TMC3: variants seen among roughly 807,000 people sequenced by gnomAD.
TMC3 encodes the protein transmembrane channel-like protein 3.
A neutral mutation model predicts 110.6 loss-of-function variants in TMC3; 98 were observed. The ratio of observed to expected loss-of-function variants is 0.89; its 90% CI spans 0.75 to 1.05. TMC3 has a LOEUF of 1.05. Ranked by LOEUF, TMC3 falls within the 50% of genes least tolerant of loss-of-function variation. The pLI is 0.00. For synonymous variants in TMC3, 489 were observed against 513.1 expected, an observed-to-expected ratio of 0.95 and a Z score of 0.63; for missense variants, 1,319 against 1,373.2, an observed-to-expected ratio of 0.96 and a Z score of 0.62.
chr15:81,356,155 A>T (rs1471630351), intron 8 of TMC3, among the ~76,000 whole-genome samples: 1 of 152,254 alleles, frequency 6.6e-6, no homozygotes, highest in Non-Finnish European at 1.5e-5. Context: ...GGTTATATAC[A>T]TGCATCATGG....
intron 21 of TMC3, among the ~76,000 whole-genome samples, chr15:81,333,773 A>G (rs933234545): frequency 6.6e-6 from 1 of 152,146 alleles, no homozygotes; most frequent in African/African-American, 2.4e-5. Flanking sequence ...TGGATCACTT[A>G]AGGTCAGGAG....
chr15:81,333,991 C>CA lies in TMC3; in HGVS notation c.2459+728dup, dbSNP rs949681769. Among the ~76,000 whole-genome samples, 714 of 130,830 alleles carry CA rather than the reference C, an allele frequency of 5.5e-3. 3 individuals carry two copies. Among genetic ancestry groups the CA allele is most frequent in the African/African-American group, 0.017 (607 of 35,466 alleles). The allele number at this position is 130,830 out of a possible 152,430, so 85.8% of individuals were successfully genotyped here. On this transcript the variant is annotated intron_variant, in intron 21 of 21. Coordinates refer to ENST00000359440, the MANE Select transcript of TMC3 (RefSeq NM_001080532.3). ...GGTGACAAGAGCAAAACCCTAGTCTCAAAAAAAAAAAAAAGTTCTTCCTGA... is the reference window on the plus strand; with the variant it reads ...GGTGACAAGAGCAAAACCCTAGTCTCAAAAAAAAAAAAAAAGTTCTTCCTGA...
chr15:81,368,261 C>G lies in TMC3; in HGVS notation c.304G>C (p.Gly102Arg). 6.2e-7 allele frequency: 1 copy of G among 1,613,550 alleles called. No individual in the cohort carries two copies. The highest frequency in any genetic ancestry group is 8.5e-7 in the Non-Finnish European group (1 of 1,179,592). The change falls in exon 3 of 22, where the codon GGT becomes CGT. Residue 102 changes from glycine to arginine, a missense_variant. Physicochemically the swap from Gly to Arg is moderately radical, Grantham distance 125. Coordinates refer to ENST00000359440, the MANE Select transcript of TMC3 (RefSeq NM_001080532.3). ...TGTGTGTTCTGTATTACCTCTGCAC[C>G]TGCTGCTTGGTAGCCTCGGGTCCTG... ...LTRTRGYQAA[G>R]AELWRKFARL...
intron 1 of TMC3, 40 bp from the exon 2 acceptor site, chr15:81,372,777 GA>G: frequency 6.2e-7 from 1 of 1,604,072 alleles, no homozygotes; most frequent in East Asian, 2.2e-5. Flanking sequence ...CTGATTAGAA[GA>G]ATTGCTTCCA....
intron 1 of TMC3, among the ~76,000 whole-genome samples, chr15:81,373,217 C>T (rs1334544159): frequency 1.3e-5 from 2 of 152,132 alleles, no homozygotes; most frequent in Non-Finnish European, 2.9e-5. Flanking sequence ...CCCTCTTCAC[C>T]CTTTCACGTC....
At chr15:81,353,210 T>C (rs7165080) in intron 9 of TMC3, among the ~76,000 whole-genome samples, 23,930 of 151,722 alleles carry the variant, frequency 0.16, 3,602 homozygotes, top group African/African-American at 0.4. Context: ...AAAACTGTTT[T>C]TGTACAGCTG....
chr15:81,365,742 G>A (rs1358333630), intron 3 of TMC3, among the ~76,000 whole-genome samples: 1 of 151,604 alleles, frequency 6.6e-6, no homozygotes, highest in Non-Finnish European at 1.5e-5. Context: ...AAACTTGGAA[G>A]AAATAGATCC....
chr15:81,358,319 C>A, intron 6 of TMC3, 28 bp from the exon 7 acceptor site: 1 of 1,598,246 alleles, frequency 6.3e-7, no homozygotes, highest in Non-Finnish European at 8.5e-7. Flanking sequence ...AGTGTCATTT[C>A]TGCTTCCCGT....
chr15:81,357,722 A>G (rs1159043802), intron 7 of TMC3, among the ~76,000 whole-genome samples: 1 of 152,174 alleles, frequency 6.6e-6, no homozygotes, highest in Non-Finnish European at 1.5e-5. Flanking sequence ...ACAAACATAC[A>G]ACCAAAGGAG....
At chr15:81,338,816 G>A in intron 17 of TMC3, 36 bp from the exon 18 acceptor site, 1 of 1,608,212 alleles carries the variant, frequency 6.2e-7, no homozygotes, top group Non-Finnish European at 8.5e-7. Context: ...AGATTTTATT[G>A]CTCTTGGCAG....
rs1024655645 is a variant in TMC3, at chr15:81,346,295, C to A, written c.1272+70G>T. On this transcript the variant is annotated intron_variant, in intron 12 of 21. Coordinates refer to ENST00000359440, the MANE Select transcript of TMC3 (RefSeq NM_001080532.3). The stretch of plus-strand genomic sequence containing the variant: ...GCAGTGATCCTGTCCACGATGATGA[C>A]CCTGGTGTTGGGAGGAGGTAGCAGA... 3.0e-6 allele frequency: 4 copies of A among 1,347,906 alleles called. No homozygotes were observed. The African/African-American group carries it at 5.7e-5, about 19-fold the overall frequency. 83.5% of individuals were successfully genotyped at this position (1,347,906 alleles called of 1,614,324 possible).
intron 19 of TMC3, 117 bp downstream of exon 19, chr15:81,337,729 G>GTGCT: frequency 1.2e-6 from 1 of 828,274 alleles, no homozygotes; most frequent in Non-Finnish European, 2.0e-6. Context: ...ACCATAGTGG[G>GTGCT]TGGCCAAGAG....
At chr15:81,359,511 TC>T in intron 4 of TMC3, 40 bp from the exon 5 acceptor site, 1 of 1,351,622 alleles carries the variant, frequency 7.4e-7, no homozygotes, top group East Asian at 2.5e-5. Flanking sequence ...TTAAATAAAA[TC>T]CTCATAGTGC....
intron 3 of TMC3, among the ~76,000 whole-genome samples, chr15:81,365,874 TA>T (rs2141423783): frequency 6.6e-6 from 1 of 152,288 alleles, no homozygotes; most frequent in African/African-American, 2.4e-5. Context: ...AAAGTATATT[TA>T]TTCATAGTAT....
At chr15:81,334,631 G>T (rs897979512) in intron 21 of TMC3, 89 bp downstream of exon 21, 13 of 1,476,060 alleles carry the variant, frequency 8.8e-6, no homozygotes, top group Non-Finnish European at 1.1e-5. Flanking sequence ...GGGAGAATTA[G>T]AATTTAATGG....
At chr15:81,366,547 G>GTT (rs1894321698) in intron 3 of TMC3, among the ~76,000 whole-genome samples, 2 of 152,186 alleles carry the variant, frequency 1.3e-5, no homozygotes, top group South Asian at 2.1e-4. Context: ...GCTTTTCATT[G>GTT]TTATATATAT....
At chr15:81,339,331 C>G in intron 17 of TMC3, 63 bp downstream of exon 17, 1 of 1,228,516 alleles carries the variant, frequency 8.1e-7, no homozygotes. Context: ...GAATTCAGTT[C>G]AATATGATCT....
At chr15:81,340,316 A>G (rs975685948) in intron 16 of TMC3, among the ~76,000 whole-genome samples, 1 of 152,244 alleles carries the variant, frequency 6.6e-6, no homozygotes, top group Admixed American at 6.5e-5. Context: ...TAGGAGAGTG[A>G]TAAGTTGTGA....
In TMC3 at chr15:81,358,308, C is replaced by T. The variant is rs748151599; in HGVS notation, c.601-17G>A. 3.7e-6 allele frequency: 6 copies of T among 1,600,110 alleles called. No homozygotes were observed. The South Asian group carries it at 5.6e-5, about 15-fold the overall frequency. ...GAGGTAGCCCTGCAAAGAAAACACT[C>T]AGTGTCATTTCTGCTTCCCGTTCCC... On this transcript the variant is annotated splice_polypyrimidine_tract_variant and intron_variant, in intron 6 of 21. Coordinates refer to ENST00000359440, the MANE Select transcript of TMC3 (RefSeq NM_001080532.3).
Sources: allele counts gnomAD v4.1 joint callset (sites outside exome capture counted in the v4.1 genomes callset), GRCh38; gene constraint gnomAD v4.1.1; transcripts MANE v1.5; gene names NCBI Gene and HGNC (gene_info 2026-07-23, HGNC 2026-07-21).